The following ARL8B variants were observed in gnomAD, a reference collection of about 807,000 sequenced individuals.
The protein encoded by ARL8B is ARF like GTPase 8B, also known as ADP-ribosylation factor-like protein 8B.
In ARL8B, 9 loss-of-function variants were observed where a neutral mutation model predicts 30.6. The ratio of observed to expected loss-of-function variants is 0.29; its 90% CI spans 0.18 to 0.51. ARL8B has a LOEUF of 0.51. ARL8B is among the 20% of genes least tolerant of loss of function. The probability of loss-of-function intolerance (pLI) is 0.97; values close to 1 mark genes in which losing one functional copy is unlikely to be tolerated. For missense variants in ARL8B, 130 were observed against 227.2 expected, an observed-to-expected ratio of 0.57 and a Z score of 2.75; for synonymous variants, 74 against 76.0, an observed-to-expected ratio of 0.97 and a Z score of 0.14.
intron 1 of ARL8B, among the ~76,000 whole-genome samples, chr3:5,133,868 G>C (rs563360497): frequency 6.6e-6 from 1 of 152,322 alleles, no homozygotes; most frequent in East Asian, 1.9e-4. Context: ...TTGAGTCCAG[G>C]AGGCTGCAGT....
At chr3:5,144,059 A>C (rs1050487102) in intron 1 of ARL8B, among the ~76,000 whole-genome samples, 3 of 152,228 alleles carry the variant, frequency 2.0e-5, no homozygotes, top group Non-Finnish European at 2.9e-5. Flanking sequence ...GGGGATACCA[A>C]GGAGTGTGAT....
intron 1 of ARL8B, among the ~76,000 whole-genome samples, chr3:5,146,583 A>C (rs1022243230): frequency 2.0e-5 from 3 of 152,116 alleles, no homozygotes; most frequent in African/African-American, 7.2e-5. Context: ...TTTCTAATCG[A>C]CACATAGGGA....
intron 1 of ARL8B, among the ~76,000 whole-genome samples, chr3:5,123,503 G>A (rs1237212860): frequency 6.6e-6 from 1 of 152,132 alleles, no homozygotes; most frequent in Non-Finnish European, 1.5e-5. Context: ...GAAAGATTTC[G>A]CCTCGATCTT....
chr3:5,165,279 T>G (rs1266572222), intron 1 of ARL8B, among the ~76,000 whole-genome samples: 1 of 152,214 alleles, frequency 6.6e-6, no homozygotes, highest in Non-Finnish European at 1.5e-5. Flanking sequence ...GTAATTCTTT[T>G]TCTTACTAAT....
In ARL8B at chr3:5,180,826, T is replaced by C. The variant is rs1279352084; in HGVS notation, c.*2113T>C. On this transcript the variant is annotated 3_prime_UTR_variant, in exon 7 of 7. Coordinates refer to ENST00000256496, the MANE Select transcript of ARL8B (RefSeq NM_018184.3). ...TGGAAGTTTCCGAGAGGAGGGTCTA[T>C]AGACCATTTGTCAGAAATCAGATCA... is the stretch of plus-strand genomic sequence containing the variant. The C allele has an allele frequency of 6.7e-6, 1 of 148,996 alleles. No homozygotes were observed. The highest frequency in any genetic ancestry group is 2.5e-5 in the African/African-American group (1 of 39,620). 9.2% of individuals were successfully genotyped at this position (148,996 alleles called of 1,614,324 possible).
chr3:5,165,887 A>T (rs2054619632), intron 1 of ARL8B, among the ~76,000 whole-genome samples: 1 of 152,212 alleles, frequency 6.6e-6, no homozygotes, highest in African/African-American at 2.4e-5. Flanking sequence ...CTTTGAAAGC[A>T]CTAGAACATA....
chr3:5,147,401 A>G (rs948550359), intron 1 of ARL8B, among the ~76,000 whole-genome samples: 1 of 152,042 alleles, frequency 6.6e-6, no homozygotes, highest in Non-Finnish European at 1.5e-5. Context: ...AATCCATTCT[A>G]TCATTGTTGG....
intron 6 of ARL8B, among the ~76,000 whole-genome samples, chr3:5,176,066 T>G (rs572149174): frequency 6.6e-6 from 1 of 152,316 alleles, no homozygotes; most frequent in South Asian, 2.1e-4. Context: ...TCTTAACTAA[T>G]TTGGTTTGAG....
At chr3:5,149,071 G>A (rs1020935971) in intron 1 of ARL8B, among the ~76,000 whole-genome samples, 1 of 152,140 alleles carries the variant, frequency 6.6e-6, no homozygotes, top group African/African-American at 2.4e-5. Context: ...GAACGGAACC[G>A]TGGATTGGGA....
chr3:5,172,062 T>C (rs889726955), intron 2 of ARL8B, 88 bp from the exon 3 acceptor site: 3 of 1,266,344 alleles, frequency 2.4e-6, no homozygotes, highest in African/African-American at 3.0e-5. Flanking sequence ...AAATATATCT[T>C]CCCGATCTTT....
intron 1 of ARL8B, among the ~76,000 whole-genome samples, chr3:5,140,671 A>G (rs959712533): frequency 6.6e-6 from 1 of 152,064 alleles, no homozygotes; most frequent in Admixed American, 6.6e-5. Flanking sequence ...TAAGGAAAAT[A>G]TGCCCTGAGG....
At chr3:5,126,920 A>G (rs531489614) in intron 1 of ARL8B, among the ~76,000 whole-genome samples, 30 of 152,348 alleles carry the variant, frequency 2.0e-4, no homozygotes, top group African/African-American at 7.0e-4. Flanking sequence ...AATATCTAAT[A>G]GGATTTGCCA....
rs1174701770 is a variant in ARL8B at position 5,122,307 on chromosome 3, C to T, written c.-159C>T. 2.0e-6 allele frequency: 3 copies of T among 1,512,104 alleles called. No homozygotes were observed. The African/African-American group carries it at 4.2e-5, about 21-fold the overall frequency. 93.7% of individuals were successfully genotyped at this position (1,512,104 alleles called of 1,614,324 possible). ...AGGGCGAGTCATATGATCCGCTCGG[C>T]TTCCTGGGTCTGGCTGCTGCCGCCC... On this transcript the variant is annotated 5_prime_UTR_variant, in exon 1 of 7. Transcript: ENST00000256496.
At chr3:5,172,309 A>G (rs1465838860) in intron 3 of ARL8B, 86 bp downstream of exon 3, 17 of 1,170,410 alleles carry the variant, frequency 1.5e-5, no homozygotes, top group Admixed American at 2.1e-5. Flanking sequence ...CAGAGGCTCA[A>G]TTTTTATCTC....
chr3:5,164,893 A>G (rs1327039166), intron 1 of ARL8B, among the ~76,000 whole-genome samples: 1 of 152,198 alleles, frequency 6.6e-6, no homozygotes, highest in Non-Finnish European at 1.5e-5. Flanking sequence ...TGGCATTGAC[A>G]TTTTTGAAAA....
At chr3:5,125,266 CTGT>C (rs765129141) in intron 1 of ARL8B, among the ~76,000 whole-genome samples, 2 of 152,098 alleles carry the variant, frequency 1.3e-5, no homozygotes, top group African/African-American at 2.4e-5. Context: ...TAGATGGTAA[CTGT>C]TGTTATTTGT....
intron 1 of ARL8B, among the ~76,000 whole-genome samples, chr3:5,147,170 T>G (rs968136581): frequency 6.6e-6 from 1 of 152,084 alleles, no homozygotes; most frequent in Non-Finnish European, 1.5e-5. Context: ...ATCCCCCGCC[T>G]CCTCCTACCC....
intron 1 of ARL8B, among the ~76,000 whole-genome samples, chr3:5,165,525 A>C (rs1413127437): frequency 6.6e-6 from 1 of 151,862 alleles, no homozygotes; most frequent in East Asian, 1.9e-4. Context: ...AGAAAAGACC[A>C]CTCTGTTTAG....
chr3:5,151,933 C>G (rs1268661379), intron 1 of ARL8B, among the ~76,000 whole-genome samples: 1 of 152,164 alleles, frequency 6.6e-6, no homozygotes, highest in Non-Finnish European at 1.5e-5. Context: ...TGCCATGTAA[C>G]TTAGGCCAGT....
Sources: allele counts gnomAD v4.1 joint callset (sites outside exome capture counted in the v4.1 genomes callset), GRCh38; gene constraint gnomAD v4.1.1; transcripts MANE v1.5; gene names NCBI Gene and HGNC (gene_info 2026-07-23, HGNC 2026-07-21).